EPS8L1: variants seen among roughly 807,000 people sequenced by gnomAD.
The protein encoded by EPS8L1 is epidermal growth factor receptor kinase substrate 8-like protein 1.
Under a neutral mutation model 91.7 loss-of-function variants are expected in EPS8L1, and 101 were observed. The ratio of observed to expected loss-of-function variants is 1.10; its 90% CI spans 0.94 to 1.30. EPS8L1 has a LOEUF of 1.30. Among genes scored for constraint, EPS8L1 ranks in the 50% most tolerant of loss-of-function variants. The pLI, the probability that EPS8L1 is intolerant of heterozygous loss-of-function variation, is 0.00. For synonymous variants in EPS8L1, 506 were observed against 445.3 expected (o/e 1.14, Z -1.72); for missense variants, 1,114 against 1,017.0 (o/e 1.10, Z -1.30).
Position 55,086,126 on chromosome 19 carries a change from CT to C in EPS8L1, c.1585del (p.Tyr529ThrfsTer4). On this transcript the variant is annotated frameshift_variant, in exon 16 of 20. Transcript: ENST00000201647. LOFTEE classifies it high-confidence loss of function. ...CAGCGGGGCAGGAGGGATATGTGCC[CT>C]ACAACATCCTGACACCCTACCCCGG... Reference protein sequence around the residue: ...DPAGQEGYVPYNILTPYPGPR... With the variant: ...DPAGQEGYVPXNILTPYPGPR... The C allele has an allele frequency of 6.2e-7, 1 of 1,607,502 alleles. No individual in the cohort carries two copies.
intron 6 of EPS8L1, 65 bp from the exon 7 acceptor site, chr19:55,080,707 G>A: frequency 1.9e-6 from 3 of 1,584,956 alleles, no homozygotes. Flanking sequence ...AATCGGCCAG[G>A]GGCGAGGCCC....
At chr19:55,086,309 C>T in intron 16 of EPS8L1, 83 bp from the exon 17 acceptor site, 1 of 1,609,440 alleles carries the variant, frequency 6.2e-7, no homozygotes, top group South Asian at 1.1e-5. Context: ...ACTGGGGGTT[C>T]AGAAATGCAT....
At chr19:55,087,186 C>T in intron 18 of EPS8L1, 117 bp from the exon 19 acceptor site, 2 of 1,428,126 alleles carry the variant, frequency 1.4e-6, no homozygotes, top group Non-Finnish European at 1.9e-6. Context: ...TCGGGCCTGC[C>T]CCCGCTAGAG....
chr19:55,087,202 A>C, intron 18 of EPS8L1, 101 bp from the exon 19 acceptor site: 1 of 1,478,320 alleles, frequency 6.8e-7, no homozygotes, highest in Non-Finnish European at 9.0e-7. Context: ...TAGAGCTAGA[A>C]TGCTGTTCTG....
chr19:55,076,510 C>T, intron 2 of EPS8L1, 49 bp downstream of exon 2: 2 of 1,596,882 alleles, frequency 1.3e-6, no homozygotes, highest in Non-Finnish European at 1.7e-6. Flanking sequence ...CCTCCCGCCT[C>T]CCCTCGCCTC....
chr19:55,086,034 G>A (rs1362341861), intron 15 of EPS8L1, 27 bp from the exon 16 acceptor site: 1 of 1,599,190 alleles, frequency 6.3e-7, no homozygotes, highest in Non-Finnish European at 8.6e-7. Flanking sequence ...GACAGGCTCT[G>A]AACCCTCTGT....
At position 55,086,054 on chromosome 19, in the gene EPS8L1, C is replaced by A; in HGVS notation, c.1519-7C>A. 1 of 1,594,466 alleles carries A rather than the reference C, an allele frequency of 6.3e-7. No homozygotes were observed. Among genetic ancestry groups the A allele is most frequent in the Non-Finnish European group, 8.6e-7 (1 of 1,167,130 alleles). ...GCTCTGAACCCTCTGTTCTTTACCA[C>A]ACCCAGGTCCTGGATGACAGTCGTA... On this transcript the variant is annotated splice_region_variant and splice_polypyrimidine_tract_variant and intron_variant, in intron 15 of 19. Transcript: ENST00000201647.
At position 55,087,761 on chromosome 19, in the gene EPS8L1, C is replaced by T. The variant is rs376928185; in HGVS notation, c.*147C>T. On this transcript the variant is annotated 3_prime_UTR_variant, in exon 20 of 20. Coordinates refer to ENST00000201647, the MANE Select transcript of EPS8L1 (RefSeq NM_133180.3). ...CCCCCATCCCGGTGGACAGACTTAA[C>T]GATCCTTGCTGCAGTCCCTCCGGAG... 1.6e-5 allele frequency: 13 copies of T among 817,840 alleles called. No homozygotes were observed. The highest frequency in any genetic ancestry group is 3.0e-4 in the Middle Eastern group (1 of 3,312). The allele number at this position is 817,840 out of a possible 1,614,324, so 50.7% of individuals were successfully genotyped here. A position where few individuals can be genotyped will look rare whatever the true frequency, so the allele number is the denominator to read the frequency against.
At chr19:55,086,636 C>CG (rs3217645) in intron 17 of EPS8L1, 78 bp from the exon 18 acceptor site, 45 of 957,118 alleles carry the variant, frequency 4.7e-5, no homozygotes, top group African/African-American at 4.3e-4. Flanking sequence ...CGCTGGAGCG[C>CG]CCCCCCGCCC....
Position 55,081,920 on chromosome 19 carries a change from G to C in EPS8L1, c.901+21G>C. 1 of 1,600,660 alleles carries C rather than the reference G, an allele frequency of 6.2e-7. No homozygotes were observed. The highest frequency in any genetic ancestry group is 8.5e-7 in the Non-Finnish European group (1 of 1,172,280). The stretch of plus-strand genomic sequence containing the variant: ...TGGGGGTAAGGGGCACCCTGGCGTG[G>C]GATCTGAACCCCCTCCCGATCTCTT... On this transcript the variant is annotated intron_variant, in intron 9 of 19. Coordinates refer to ENST00000201647, the MANE Select transcript of EPS8L1 (RefSeq NM_133180.3). This position sits in a 1 kb window ranked among gnomAD's most constrained non-coding sequence, Gnocchi z 4.9.
intron 18 of EPS8L1, 157 bp downstream of exon 18, chr19:55,087,045 A>G: frequency 9.0e-7 from 1 of 1,105,360 alleles, no homozygotes; most frequent in Non-Finnish European, 1.2e-6. Context: ...ACCCAATGGC[A>G]GGCTGTGATT....
chr19:55,078,889 G>C lies in EPS8L1; in HGVS notation c.59-110G>C, dbSNP rs146934194. ...GGTCAGAGGGAAGAGGGGCTGGGGG[G>C]CTGGACTCCTAGGTTTGAGGGAGGA... On this transcript the variant is annotated intron_variant, in intron 3 of 19. Coordinates refer to ENST00000201647, the MANE Select transcript of EPS8L1 (RefSeq NM_133180.3). 7.0e-4 allele frequency: 599 copies of C among 855,070 alleles called. 3 individuals carry two copies. The highest frequency in any genetic ancestry group is 5.4e-3 in the African/African-American group (183 of 33,794). 53.0% of individuals were successfully genotyped at this position (855,070 alleles called of 1,614,324 possible). A position where few individuals can be genotyped will look rare whatever the true frequency, so the allele number is the denominator to read the frequency against.
In EPS8L1 at chr19:55,085,952, C is replaced by G; in HGVS notation, c.1497C>G (p.Val499=). Reference sequence around the variant, plus strand: ...CCCGCAACAGCAGTGAGCTGTCGGTCAAGCAGCGGGACGTACTGGAGGTTA... The same window carrying G: ...CCCGCAACAGCAGTGAGCTGTCGGTGAAGCAGCGGGACGTACTGGAGGTTA... The part of the protein sequence containing the change: ...FQARNSSELS[V]KQRDVLEVLD... Residue 499 remains valine (V), a synonymous_variant, in exon 15 of 20, where the codon GTC becomes GTG. Coordinates refer to ENST00000201647, the MANE Select transcript of EPS8L1 (RefSeq NM_133180.3). The G allele has an allele frequency of 6.2e-7, 1 of 1,613,520 alleles. No homozygotes were observed. Among genetic ancestry groups the G allele is most frequent in the Non-Finnish European group, 8.5e-7 (1 of 1,179,622 alleles).
rs1464627122 is a variant in EPS8L1 at position 55,086,871 on chromosome 19, C to T, written c.1935C>T (p.Ala645=). The T allele has an allele frequency of 6.8e-7, 1 of 1,460,578 alleles. No homozygotes were observed. The highest frequency in any genetic ancestry group is 2.9e-5 in the Admixed American group (1 of 33,918). The allele number at this position is 1,460,578 out of a possible 1,614,324, so 90.5% of individuals were successfully genotyped here. Reference sequence around the variant, plus strand: ...CCGAGGTCCGCGCCTGGCTGCAGGCCAAGGGCTTTAGCTCCGGGTGAGTGG... The same window carrying T: ...CCGAGGTCCGCGCCTGGCTGCAGGCTAAGGGCTTTAGCTCCGGGTGAGTGG... ...DASEVRAWLQ[A]KGFSSGTVDA... The change falls in exon 18 of 20, where the codon GCC becomes GCT. Residue 645 remains alanine (A), a synonymous_variant. Transcript: ENST00000201647.
At chr19:55,080,733 G>T (rs189060117) in intron 6 of EPS8L1, 39 bp from the exon 7 acceptor site, 1 of 1,600,904 alleles carries the variant, frequency 6.2e-7, no homozygotes, top group African/African-American at 1.3e-5. Context: ...GGAAGTGGGT[G>T]CGGCGTGGGG....
intron 12 of EPS8L1, among the ~76,000 whole-genome samples, chr19:55,082,844 G>A (rs958313070): frequency 1.1e-4 from 16 of 151,376 alleles, no homozygotes; most frequent in African/African-American, 3.6e-4. Context: ...AGAAAAGGGG[G>A]GCTTAAAGGA....
intron 6 of EPS8L1, chr19:55,080,519 T>A: frequency 6.2e-7 from 1 of 1,613,266 alleles, no homozygotes; most frequent in Non-Finnish European, 8.5e-7. Context: ...CCAAGAAGGA[T>A]CTGGGGGAGC....
chr19:55,085,948 CG>C lies in EPS8L1; in HGVS notation c.1495del (p.Val499SerfsTer34). 6.2e-7 allele frequency: 1 copy of C among 1,613,528 alleles called. No individual in the cohort carries two copies. The highest frequency in any genetic ancestry group is 8.5e-7 in the Non-Finnish European group (1 of 1,179,634). ...CAGGCCCGCAACAGCAGTGAGCTGT[CG>C]GTCAAGCAGCGGGACGTACTGGAGG... ...DFQARNSSEL[S>X]VKQRDVLEVL... On this transcript the variant is annotated frameshift_variant, in exon 15 of 20. Transcript: ENST00000201647. LOFTEE classifies it high-confidence loss of function.
At position 55,079,779 on chromosome 19, in the gene EPS8L1, C is replaced by G. The variant is rs747796087; in HGVS notation, c.207C>G (p.Gly69=). 1 of 1,614,094 alleles carries G rather than the reference C, an allele frequency of 6.2e-7. No individual in the cohort carries two copies. Among genetic ancestry groups the G allele is most frequent in the East Asian group, 2.2e-5 (1 of 44,870 alleles). ...AGTTGGCCGTCATGGATAGCCAGGG[C>G]CGAGTCTGGGCACAGGAGATGCTGC... ...SRKLAVMDSQ[G]RVWAQEMLLR... Residue 69 remains glycine (G), a synonymous_variant, in exon 5 of 20, where the codon GGC becomes GGG. Transcript: ENST00000201647.
Sources: gnomAD v4.1 joint callset for allele counts (sites outside exome capture counted in the v4.1 genomes callset) on GRCh38, gnomAD v4.1.1 for gene constraint, Gnocchi (gnomAD v3.1) non-coding constraint, MANE v1.5 for transcripts, NCBI Gene and HGNC (gene_info 2026-07-23, HGNC 2026-07-21) for gene names.